The following RBFOX1 variants were observed in gnomAD, a reference collection of about 807,000 sequenced individuals.
RBFOX1 encodes RNA binding protein fox-1 homolog 1.
In RBFOX1, 8 loss-of-function variants were observed where a neutral mutation model predicts 57.7. That is an observed-to-expected ratio of 0.14 (90% CI 0.08 to 0.25). The LOEUF is 0.25. RBFOX1 is among the 10% of genes least tolerant of loss of function. The pLI is 1.00. For missense variants in RBFOX1, 611 were observed against 548.5 expected (o/e 1.11, Z -1.14); for synonymous variants, 326 against 222.4 (o/e 1.47, Z -4.15).
At chr16:7,609,003 G>T (rs2056898687) in intron 10 of RBFOX1, among the ~76,000 whole-genome samples, 1 of 152,114 alleles carries the variant, frequency 6.6e-6, no homozygotes, top group African/African-American at 2.4e-5. Context: ...TTATTCAGGG[G>T]ACACACAGAA....
At chr16:7,043,929 C>A (rs1057260972) in intron 3 of RBFOX1, among the ~76,000 whole-genome samples, 1 of 152,214 alleles carries the variant, frequency 6.6e-6, no homozygotes, top group African/African-American at 2.4e-5. Flanking sequence ...AAAGACAAAA[C>A]AAAAACAAAC....
At chr16:7,064,161 CTTTTTTTTT>C (rs869135535) in intron 4 of RBFOX1, among the ~76,000 whole-genome samples, 1 of 96,830 alleles carries the variant, frequency 1.0e-5, no homozygotes, top group Non-Finnish European at 1.9e-5. Context: ...GACTGGTGTT[CTTTTTTTTT>C]TTTTTTTTTT....
intron 2 of RBFOX1, among the ~76,000 whole-genome samples, chr16:6,529,387 C>G (rs1403301547): frequency 6.6e-6 from 1 of 151,916 alleles, no homozygotes. Flanking sequence ...GGTGATACCC[C>G]ATCTCTACTA....
chr16:5,346,300 C>A (rs1320547927), intron 1 of RBFOX1, among the ~76,000 whole-genome samples: 1 of 152,190 alleles, frequency 6.6e-6, no homozygotes, highest in Non-Finnish European at 1.5e-5. Context: ...AATGACTGAG[C>A]ACTTGCCTGG....
At chr16:6,060,986 T>G (rs2095678305) in intron 1 of RBFOX1, among the ~76,000 whole-genome samples, 1 of 152,194 alleles carries the variant, frequency 6.6e-6, no homozygotes, top group Non-Finnish European at 1.5e-5. Flanking sequence ...TTACAATCCA[T>G]GCATTCATTT....
At chr16:7,084,626 C>A (rs777157035) in intron 4 of RBFOX1, among the ~76,000 whole-genome samples, 17 of 152,138 alleles carry the variant, frequency 1.1e-4, no homozygotes, top group Admixed American at 7.9e-4. Context: ...GGTGGTGATA[C>A]ATTTCTTCAA....
chr16:6,457,707 G>T (rs1160970726), intron 2 of RBFOX1, among the ~76,000 whole-genome samples: 1 of 152,150 alleles, frequency 6.6e-6, no homozygotes, highest in Admixed American at 6.5e-5. Context: ...GCTGGTATCT[G>T]CTAGGATGAA....
intron 1 of RBFOX1, among the ~76,000 whole-genome samples, chr16:6,305,130 G>C (rs1012747171): frequency 6.6e-6 from 1 of 152,162 alleles, no homozygotes; most frequent in Non-Finnish European, 1.5e-5. Context: ...TCTTTCTCGG[G>C]TTATCCCAAA....
At chr16:6,976,974 C>G (rs570423126) in intron 3 of RBFOX1, among the ~76,000 whole-genome samples, 105 of 142,518 alleles carry the variant, frequency 7.4e-4, no homozygotes, top group African/African-American at 2.5e-3. Flanking sequence ...TATCCTATAT[C>G]ACATATCATA....
intron 2 of RBFOX1, among the ~76,000 whole-genome samples, chr16:6,545,996 A>G (rs1234942254): frequency 6.6e-6 from 1 of 152,142 alleles, no homozygotes; most frequent in Non-Finnish European, 1.5e-5. Flanking sequence ...CCACTTTGGA[A>G]GAAGAAGAAT....
At position 5,465,628 on chromosome 16, in the gene RBFOX1, C is replaced by G. The variant is rs540202050; in HGVS notation, c.220-1588C>G. ...CTTCATGCAGCTGAGATGGAGCTGA[C>G]TCACCCTAGCCCATGTTCGTTGTTA... On this transcript the variant is annotated intron_variant, in intron 1 of 2. Transcript: ENST00000585867. 2.6e-5 allele frequency among the ~76,000 whole-genome samples: 4 copies of G among 152,292 alleles called. No individual in the cohort carries two copies. The East Asian group carries it at 7.7e-4, about 29-fold the overall frequency.
chr16:7,117,657 C>T (rs1349986565), intron 4 of RBFOX1, among the ~76,000 whole-genome samples: 5 of 152,344 alleles, frequency 3.3e-5, no homozygotes, highest in African/African-American at 9.6e-5. Context: ...CTGCATAGCA[C>T]ATTACCACCT....
intron 2 of RBFOX1, among the ~76,000 whole-genome samples, chr16:6,544,512 A>G (rs986375672): frequency 6.6e-6 from 1 of 152,214 alleles, no homozygotes; most frequent in Non-Finnish European, 1.5e-5. Flanking sequence ...ATGTGAATTC[A>G]ACTCTGATCT....
rs144488912 is a variant in RBFOX1, at chr16:6,832,726, G to A, written c.-16+178076G>A. On this transcript the variant is annotated intron_variant, in intron 3 of 15. Transcript: ENST00000550418. ...TGCCCTTTTTCCATTACTGGGAAGGGTCTATCTTTGCAGCTCTCTGTAACT... is the reference window on the plus strand; with the variant it reads ...TGCCCTTTTTCCATTACTGGGAAGGATCTATCTTTGCAGCTCTCTGTAACT... Among the ~76,000 whole-genome samples, 10 of 152,312 alleles carry A rather than the reference G, an allele frequency of 6.6e-5. No homozygotes were observed. In the East Asian group the frequency reaches 1.9e-3, roughly 29 times the overall value.
At chr16:7,675,021 C>T (rs2072844337) in intron 13 of RBFOX1, among the ~76,000 whole-genome samples, 1 of 152,140 alleles carries the variant, frequency 6.6e-6, no homozygotes, top group African/African-American at 2.4e-5. Context: ...CACATTCATA[C>T]CACACACATT....
intron 4 of RBFOX1, among the ~76,000 whole-genome samples, chr16:7,348,166 C>G (rs2097054612): frequency 6.6e-6 from 1 of 152,128 alleles, no homozygotes. Context: ...ACAAAAAGCA[C>G]AAACAAACAT....
At chr16:5,355,681 T>C (rs1470176259) in intron 1 of RBFOX1, among the ~76,000 whole-genome samples, 1 of 152,176 alleles carries the variant, frequency 6.6e-6, no homozygotes, top group Non-Finnish European at 1.5e-5. Flanking sequence ...TAACCCCTGG[T>C]AACTGTGAAT....
intron 4 of RBFOX1, among the ~76,000 whole-genome samples, chr16:7,451,756 T>G (rs2098863203): frequency 6.7e-6 from 1 of 149,706 alleles, no homozygotes; most frequent in South Asian, 2.1e-4. Context: ...ATTTCTCATT[T>G]TGTAGAGGCA....
At chr16:6,325,885 A>G (rs1335246945) in intron 2 of RBFOX1, among the ~76,000 whole-genome samples, 1 of 152,198 alleles carries the variant, frequency 6.6e-6, no homozygotes, top group African/African-American at 2.4e-5. Flanking sequence ...CTTGCTTCAG[A>G]AAATACCAGC....
Sources: gnomAD v4.1 joint callset for allele counts (sites outside exome capture counted in the v4.1 genomes callset) on GRCh38, gnomAD v4.1.1 for gene constraint, MANE v1.5 for transcripts, NCBI Gene and HGNC (gene_info 2026-07-23, HGNC 2026-07-21) for gene names.